The following SETX variants were observed in gnomAD, a reference collection of about 807,000 sequenced individuals.
SETX encodes the protein senataxin.
In SETX, 90 loss-of-function variants were observed where a neutral mutation model predicts 227.2. The ratio of observed to expected loss-of-function variants is 0.40; its 90% CI spans 0.33 to 0.47. SETX has a LOEUF of 0.47. Among genes scored for constraint, SETX ranks in the 20% least tolerant of loss-of-function variants. The pLI, the probability that SETX is intolerant of heterozygous loss-of-function variation, is 0.91. For synonymous variants in SETX, 1,210 were observed against 1,113.2 expected (o/e 1.09, Z -1.73); for missense variants, 3,052 against 3,181.5 (o/e 0.96, Z 0.98).
intron 5 of SETX, 48 bp downstream of exon 5, chr9:132,342,642 G>C (rs757339513): frequency 8.0e-7 from 1 of 1,247,588 alleles, no homozygotes; most frequent in Admixed American, 1.7e-5. Context: ...GCTATCTATA[G>C]GTACAAAAGC....
Position 132,263,973 on chromosome 9 carries a change from T to C in SETX, c.*266A>G, listed in dbSNP as rs575959163. ...CAACATTCACTCCAGTCTGACCTCC[T>C]TGTCTATAGAAGACTAAGAGATCAA... On this transcript the variant is annotated 3_prime_UTR_variant, in exon 26 of 26. Coordinates refer to ENST00000224140, the MANE Select transcript of SETX (RefSeq NM_015046.7). 249 of 529,778 alleles carry C rather than the reference T, an allele frequency of 4.7e-4. 1 individual carries two copies. The highest frequency in any genetic ancestry group is 4.3e-3 in the African/African-American group (225 of 52,720). 32.8% of individuals were successfully genotyped at this position (529,778 alleles called of 1,614,324 possible).
chr9:132,286,208 C>T (rs1347415894), intron 18 of SETX, among the ~76,000 whole-genome samples: 1 of 149,110 alleles, frequency 6.7e-6, no homozygotes, highest in Admixed American at 6.7e-5. Context: ...AAAAATTAGC[C>T]AGGCATGGTG....
intron 4 of SETX, among the ~76,000 whole-genome samples, chr9:132,345,045 G>A (rs1848208448): frequency 1.3e-5 from 2 of 152,096 alleles, no homozygotes; most frequent in South Asian, 4.1e-4. Flanking sequence ...CCCAACCAGG[G>A]GTGATTTTAT....
At chr9:132,285,701 G>A (rs952464686) in intron 18 of SETX, among the ~76,000 whole-genome samples, 5 of 150,634 alleles carry the variant, frequency 3.3e-5, no homozygotes, top group African/African-American at 1.0e-4. Context: ...CCAACATGGT[G>A]AAACCCCATC....
rs1846879370 is a variant in SETX, at chr9:132,327,359, TAACTG to T, written c.4234_4238del (p.Gln1412AsnfsTer7). On this transcript the variant is annotated frameshift_variant, in exon 10 of 26. Coordinates refer to ENST00000224140, the MANE Select transcript of SETX (RefSeq NM_015046.7). LOFTEE classifies it high-confidence loss of function. ...CTGGTTCAGAAGGCATGCATTTTAT[TAACTG>T]TTTTCTGTTACTGTTGGCAAGTACC... The T allele has an allele frequency of 6.2e-7, 1 of 1,614,132 alleles. No individual in the cohort carries two copies. The highest frequency in any genetic ancestry group is 8.5e-7 in the Non-Finnish European group (1 of 1,180,046).
At chr9:132,296,290 C>T (rs1203881671) in intron 14 of SETX, among the ~76,000 whole-genome samples, 2 of 152,204 alleles carry the variant, frequency 1.3e-5, no homozygotes, top group Admixed American at 6.5e-5. Context: ...CAGTGGCTCA[C>T]GCCTGTAATC....
intron 2 of SETX, among the ~76,000 whole-genome samples, chr9:132,350,281 C>G (rs914449917): frequency 8.6e-5 from 13 of 152,040 alleles, no homozygotes; most frequent in Non-Finnish European, 1.5e-4. Context: ...ACGTGGGAGG[C>G]AGAGGTTGCA....
At position 132,284,452 on chromosome 9, in the gene SETX, G is replaced by A. The variant is rs151000720; in HGVS notation, c.6397-1039C>T. ...AGAAAGATCATAATCCATTCAGGAGGAAACTTCAGCAAAAATACTACTAAC... is the reference window on the plus strand; with the variant it reads ...AGAAAGATCATAATCCATTCAGGAGAAAACTTCAGCAAAAATACTACTAAC... On this transcript the variant is annotated intron_variant, in intron 18 of 25. Transcript: ENST00000224140. Among the ~76,000 whole-genome samples, 345 of 152,270 alleles carry A rather than the reference G, an allele frequency of 2.3e-3. 2 individuals carry two copies. The highest frequency in any genetic ancestry group is 7.7e-3 in the African/African-American group (322 of 41,552).
chr9:132,280,456 T>C (rs1041201044), intron 20 of SETX, among the ~76,000 whole-genome samples: 1 of 152,086 alleles, frequency 6.6e-6, no homozygotes, highest in Non-Finnish European at 1.5e-5. Flanking sequence ...GTGAACAAAG[T>C]TACCTGCAGC....
chr9:132,335,286 GA>G (rs1847538277), intron 6 of SETX, among the ~76,000 whole-genome samples: 1 of 151,106 alleles, frequency 6.6e-6, no homozygotes, highest in South Asian at 2.1e-4. Flanking sequence ...AGCTACTCGG[GA>G]GGCTGAGGCA....
At position 132,320,545 on chromosome 9, in the gene SETX, G is replaced by A. The variant is rs183578594; in HGVS notation, c.5274+5779C>T. 4.0e-3 allele frequency among the ~76,000 whole-genome samples: 472 copies of A among 117,126 alleles called. 4 individuals are homozygous for A. Among genetic ancestry groups the A allele is most frequent in the African/African-American group, 0.015 (448 of 30,294 alleles). 76.8% of individuals were successfully genotyped at this position (117,126 alleles called of 152,430 possible). A position where few individuals can be genotyped will look rare whatever the true frequency, so the allele number is the denominator to read the frequency against. On this transcript the variant is annotated intron_variant, in intron 10 of 25. Transcript: ENST00000224140. ...GGAGGCAGAGCTTGCAGTGAGCCAAGATCGCACCACTGCACTCCAGCCTGA... is the reference window on the plus strand; with the variant it reads ...GGAGGCAGAGCTTGCAGTGAGCCAAAATCGCACCACTGCACTCCAGCCTGA...
chr9:132,290,574 CAAAAAA>C (rs59954158), intron 15 of SETX, among the ~76,000 whole-genome samples: 43 of 44,716 alleles, frequency 9.6e-4, no homozygotes, highest in African/African-American at 2.4e-3. Flanking sequence ...GACTCCGTCT[CAAAAAA>C]AAAAAAAAAA....
At chr9:132,331,631 C>T (rs1432494260) in intron 7 of SETX, among the ~76,000 whole-genome samples, 183 bp from the exon 8 acceptor site, 1 of 150,508 alleles carries the variant, frequency 6.6e-6, no homozygotes, top group Non-Finnish European at 1.5e-5. Flanking sequence ...AAAGCAGCCA[C>T]ATTTTCAAGA....
intron 23 of SETX, chr9:132,275,016 G>A (rs951403080): frequency 1.9e-6 from 1 of 524,878 alleles, no homozygotes; most frequent in African/African-American, 1.9e-5. Context: ...GACCTGGCAA[G>A]TTTCTTAGTC....
Position 132,327,087 on chromosome 9 carries a change from T to C in SETX, c.4511A>G (p.Glu1504Gly), listed in dbSNP as rs781275166. Residue 1504 changes from glutamate to glycine, a missense_variant, in exon 10 of 26, where the codon GAA becomes GGA. Glu to Gly is a moderately conservative substitution (Grantham distance 98). Transcript: ENST00000224140. Reference protein sequence around the residue: ...DNLFLTQNDPEDMDLCSQMEN... With the variant: ...DNLFLTQNDPGDMDLCSQMEN... ...CATTTGTGAACATAAATCCATATCT[T>C]CAGGATCATTTTGGGTTAAAAATAA... 2.0e-5 allele frequency: 32 copies of C among 1,614,240 alleles called. No individual in the cohort carries two copies. The Admixed American group carries it at 5.3e-4, about 27-fold the overall frequency.
chr9:132,285,089 G>A (rs1318059204), intron 18 of SETX, among the ~76,000 whole-genome samples: 1 of 152,052 alleles, frequency 6.6e-6, no homozygotes, highest in East Asian at 1.9e-4. Context: ...GTGTTAGCCA[G>A]GATGGTCTCA....
intron 7 of SETX, among the ~76,000 whole-genome samples, chr9:132,332,617 G>A (rs1589752768): frequency 6.6e-6 from 1 of 152,296 alleles, no homozygotes; most frequent in East Asian, 1.9e-4. Context: ...TCTCAAAGAG[G>A]TAATTAAAAT....
At position 132,296,979 on chromosome 9, in the gene SETX, G is replaced by C; in HGVS notation, c.5857C>G (p.Pro1953Ala). The change falls in exon 14 of 26, where the codon CCA becomes GCA. Residue 1953 changes from proline (P) to alanine (A), a missense_variant. Pro to Ala is a conservative substitution (Grantham distance 27, BLOSUM62 -1). This residue lies in a region of SETX where 239 missense variants were observed against 272.1 expected (regional missense o/e 0.88). Coordinates refer to ENST00000224140, the MANE Select transcript of SETX (RefSeq NM_015046.7). ...ETAYAMVKHS[P>A]SVAKICLIHG... ...ATCAAGCAGATTTTGGCAACTGATG[G>C]TGAGTGTTTCACCATAGCATATGCA... The C allele has an allele frequency of 6.2e-7, 1 of 1,614,008 alleles. No individual in the cohort carries two copies. Among genetic ancestry groups the C allele is most frequent in the Non-Finnish European group, 8.5e-7 (1 of 1,179,918 alleles).
At chr9:132,284,836 C>CT (rs994135867) in intron 18 of SETX, among the ~76,000 whole-genome samples, 59 of 145,846 alleles carry the variant, frequency 4.0e-4, no homozygotes, top group South Asian at 8.7e-4. Flanking sequence ...ATACAGGTGA[C>CT]TTTTTTTTTT....
Sources: gnomAD v4.1 joint callset for allele counts (sites outside exome capture counted in the v4.1 genomes callset) on GRCh38, gnomAD v4.1.1 for gene constraint, gnomAD v4.1.1 regional missense constraint, MANE v1.5 for transcripts, NCBI Gene and HGNC (gene_info 2026-07-23, HGNC 2026-07-21) for gene names.